The following ACADM variants were observed in gnomAD, a reference collection of about 807,000 sequenced individuals.
ACADM encodes the protein acyl-CoA dehydrogenase medium chain.
ACADM carries 49 observed loss-of-function variants against 58.9 expected under a neutral mutation model. The ratio of observed to expected loss-of-function variants is 0.83; its 90% CI spans 0.66 to 1.06. The LOEUF (loss-of-function observed/expected upper bound fraction) is 1.06, where lower values mean the gene tolerates loss of function less well. Among genes scored for constraint, ACADM ranks in the 50% least tolerant of loss-of-function variants. ACADM has a pLI of 0.00. For missense variants in ACADM, 496 were observed against 507.0 expected (o/e 0.98, Z 0.21); for synonymous variants, 160 against 157.7 (o/e 1.01, Z -0.11).
chr1:75,760,264 CAAAAA>C (rs764807575), intron 10 of ACADM, among the ~76,000 whole-genome samples: 39 of 51,194 alleles, frequency 7.6e-4, no homozygotes, highest in African/African-American at 2.6e-3. Context: ...ACTAAAAATA[CAAAAA>C]AAAAAAAAAA....
chr1:75,757,710 A>G (rs1648589848), intron 10 of ACADM, among the ~76,000 whole-genome samples: 5 of 152,232 alleles, frequency 3.3e-5, no homozygotes, highest in Admixed American at 3.3e-4. Flanking sequence ...TGCTGGGTAT[A>G]TACCCAAAGG....
chr1:75,728,829 A>G (rs1287882531), intron 2 of ACADM, among the ~76,000 whole-genome samples: 1 of 152,220 alleles, frequency 6.6e-6, no homozygotes, highest in African/African-American at 2.4e-5. Context: ...TTTTAAAAAC[A>G]CTTGTTAGAT....
At chr1:75,745,485 A>T (rs577787928) in intron 7 of ACADM, 44 of 191,722 alleles carry the variant, frequency 2.3e-4, no homozygotes, top group Non-Finnish European at 3.7e-4. Flanking sequence ...GATCTTGTCT[A>T]AAAAAAAAAA....
At chr1:75,725,786 C>T (rs1647044994) in intron 1 of ACADM, among the ~76,000 whole-genome samples, 1 of 152,208 alleles carries the variant, frequency 6.6e-6, no homozygotes, top group Admixed American at 6.5e-5. Context: ...GCTTTCAAAA[C>T]ATTATCGTAC....
At chr1:75,739,276 T>C (rs1647435302) in intron 6 of ACADM, among the ~76,000 whole-genome samples, 1 of 152,236 alleles carries the variant, frequency 6.6e-6, no homozygotes, top group South Asian at 2.1e-4. Flanking sequence ...TGCAGTATAG[T>C]TATTTATCTT....
At chr1:75,725,763 T>G (rs1647044570) in intron 1 of ACADM, among the ~76,000 whole-genome samples, 1 of 152,242 alleles carries the variant, frequency 6.6e-6, no homozygotes, top group Non-Finnish European at 1.5e-5. Flanking sequence ...AACCAATAGT[T>G]ATATAGCATT....
At chr1:75,751,384 T>G (rs1021171725) in intron 10 of ACADM, among the ~76,000 whole-genome samples, 3 of 151,870 alleles carry the variant, frequency 2.0e-5, no homozygotes, top group Non-Finnish European at 2.9e-5. Context: ...TCAGTAACCC[T>G]TTTTTGGGTG....
At chr1:75,744,077 A>G (rs957032568) in intron 7 of ACADM, 1 of 1,587,722 alleles carries the variant, frequency 6.3e-7, no homozygotes, top group Non-Finnish European at 8.7e-7. Context: ...ACGCTGAGCA[A>G]TGCACTGCCG....
intron 10 of ACADM, among the ~76,000 whole-genome samples, chr1:75,759,089 A>T (rs1648677049): frequency 6.6e-6 from 1 of 152,156 alleles, no homozygotes; most frequent in Non-Finnish European, 1.5e-5. Context: ...CTCTGGACAC[A>T]TCTGAAGGAA....
At chr1:75,758,279 C>T (rs1456142181) in intron 10 of ACADM, among the ~76,000 whole-genome samples, 2 of 152,124 alleles carry the variant, frequency 1.3e-5, no homozygotes, top group Non-Finnish European at 2.9e-5. Context: ...TCATGTTGGC[C>T]AGGCTGGTCT....
At chr1:75,757,108 G>C (rs570643816) in intron 10 of ACADM, among the ~76,000 whole-genome samples, 2 of 152,160 alleles carry the variant, frequency 1.3e-5, no homozygotes, top group Non-Finnish European at 2.9e-5. Flanking sequence ...AAGAACCCTA[G>C]AAGAAAACCT....
At chr1:75,745,567 AG>A in intron 7 of ACADM, 1 of 521,800 alleles carries the variant, frequency 1.9e-6, no homozygotes, top group East Asian at 3.4e-5. Context: ...AACCACAGAA[AG>A]TGAAACCCCA....
intron 1 of ACADM, among the ~76,000 whole-genome samples, chr1:75,726,477 T>G (rs1372266954): frequency 1.3e-5 from 2 of 152,200 alleles, no homozygotes; most frequent in Non-Finnish European, 2.9e-5. Context: ...TTGTTCTGAT[T>G]TTTGTGGAAT....
chr1:75,724,837 T>G lies in ACADM; in HGVS notation c.30+20T>G, dbSNP rs1570843347. ...TGCAGGGTGAGAGGGAGCCCAGCGGTGCGGTGGGGCTGGAACATGGGTATT... is the reference window on the plus strand; with the variant it reads ...TGCAGGGTGAGAGGGAGCCCAGCGGGGCGGTGGGGCTGGAACATGGGTATT... On this transcript the variant is annotated intron_variant, in intron 1 of 11. Coordinates refer to ENST00000370841, the MANE Select transcript of ACADM (RefSeq NM_000016.6). 6.8e-7 allele frequency: 1 copy of G among 1,469,162 alleles called. No individual in the cohort carries two copies. The highest frequency in any genetic ancestry group is 9.1e-7 in the Non-Finnish European group (1 of 1,104,652). The allele number at this position is 1,469,162 out of a possible 1,614,324, so 91.0% of individuals were successfully genotyped here.
chr1:75,748,494 A>G (rs2100415104), intron 8 of ACADM, among the ~76,000 whole-genome samples: 1 of 152,334 alleles, frequency 6.6e-6, no homozygotes, highest in South Asian at 2.1e-4. Flanking sequence ...TCAACTAGTG[A>G]AAAGATAATG....
chr1:75,726,800 CTTTT>C (rs748703972), intron 1 of ACADM, among the ~76,000 whole-genome samples: 4 of 119,842 alleles, frequency 3.3e-5, no homozygotes, highest in East Asian at 2.3e-4. Flanking sequence ...AACTGTTTCA[CTTTT>C]TTTTTTTTTT....
At position 75,739,972 on chromosome 1, in the gene ACADM, T is replaced by A; in HGVS notation, c.469-8T>A. The stretch of plus-strand genomic sequence containing the variant: ...TAATTTCATTTCTCTTGTTTTTATA[T>A]ATTCAAGGCTTATTGTGTAACAGAA... On this transcript the variant is annotated splice_polypyrimidine_tract_variant and splice_region_variant and intron_variant, in intron 6 of 11. Coordinates refer to ENST00000370841, the MANE Select transcript of ACADM (RefSeq NM_000016.6). 1 of 1,586,974 alleles carries A rather than the reference T, an allele frequency of 6.3e-7. No homozygotes were observed. Among genetic ancestry groups the A allele is most frequent in the South Asian group, 1.2e-5 (1 of 84,320 alleles).
chr1:75,740,297 A>G (rs935275204), intron 7 of ACADM, among the ~76,000 whole-genome samples, 187 bp downstream of exon 7: 6 of 152,202 alleles, frequency 3.9e-5, no homozygotes, highest in Non-Finnish European at 7.4e-5. Context: ...CTGTTTTTTC[A>G]AATTAACTCT....
intron 1 of ACADM, among the ~76,000 whole-genome samples, chr1:75,726,087 A>T (rs1316596188): frequency 7.2e-5 from 11 of 152,218 alleles, no homozygotes; most frequent in Admixed American, 5.9e-4. Context: ...GAACAGTCAC[A>T]TGTGAAGTGA....
Sources: gnomAD v4.1 joint callset for allele counts (sites outside exome capture counted in the v4.1 genomes callset) on GRCh38, gnomAD v4.1.1 for gene constraint, MANE v1.5 for transcripts, NCBI Gene and HGNC (gene_info 2026-07-23, HGNC 2026-07-21) for gene names.